The following RNF217 variants were observed in gnomAD, a reference collection of about 807,000 sequenced individuals.
RNF217 encodes the protein E3 ubiquitin-protein ligase RNF217.
In RNF217, 31 loss-of-function variants were observed where a neutral mutation model predicts 57.8. The ratio of observed to expected loss-of-function variants is 0.54; its 90% CI spans 0.40 to 0.72. RNF217 has a LOEUF of 0.72. RNF217 is among the 30% of genes least tolerant of loss of function. The probability of loss-of-function intolerance (pLI) is 0.00; values close to 1 mark genes in which losing one functional copy is unlikely to be tolerated. For synonymous variants in RNF217, 313 were observed against 294.0 expected, an observed-to-expected ratio of 1.06 and a Z score of -0.66; for missense variants, 696 against 708.3, an observed-to-expected ratio of 0.98 and a Z score of 0.20.
chr6:125,050,485 A>G (rs553492464), intron 2 of RNF217, among the ~76,000 whole-genome samples: 1 of 152,042 alleles, frequency 6.6e-6, no homozygotes, highest in South Asian at 2.1e-4. Context: ...AAACCCTCTG[A>G]GTAGAAATTA....
chr6:125,077,660 T>C (rs1183278842), intron 4 of RNF217, among the ~76,000 whole-genome samples: 1 of 152,198 alleles, frequency 6.6e-6, no homozygotes, highest in Non-Finnish European at 1.5e-5. Flanking sequence ...TGTATTCCAT[T>C]CCCTGCTGCT....
intron 1 of RNF217, among the ~76,000 whole-genome samples, chr6:125,024,195 A>T (rs1785972073): frequency 1.3e-5 from 2 of 152,168 alleles, no homozygotes; most frequent in South Asian, 4.1e-4. Flanking sequence ...AGAATTAATA[A>T]AGTAGGATTT....
intron 1 of RNF217, among the ~76,000 whole-genome samples, chr6:125,026,706 A>G (rs991667342): frequency 2.0e-4 from 31 of 152,326 alleles, no homozygotes; most frequent in Non-Finnish European, 3.5e-4. Context: ...TAGGTAGGGA[A>G]GGTTGCATAT....
chr6:125,054,233 G>A (rs1787437481), intron 2 of RNF217, among the ~76,000 whole-genome samples: 1 of 152,154 alleles, frequency 6.6e-6, no homozygotes, highest in Admixed American at 6.6e-5. Context: ...ATTTGATCAA[G>A]ATAAGATTTT....
At position 124,962,917 on chromosome 6, in the gene RNF217, C is replaced by T. The variant is rs1356802808; in HGVS notation, c.373C>T (p.Gln125Ter). The part of the protein sequence containing the change: ...GDRKEGGDEQ[Q>*]EAPPGEELEP... Reference sequence around the variant, plus strand: ...TCGAAAAGAGGGAGGGGATGAACAGCAGGAGGCGCCCCCCGGCGAAGAGCT... The same window carrying T: ...TCGAAAAGAGGGAGGGGATGAACAGTAGGAGGCGCCCCCCGGCGAAGAGCT... Residue 125 changes from glutamine to a stop codon, truncating the protein, a stop_gained, in exon 1 of 6, where the codon CAG becomes TAG. Coordinates refer to ENST00000521654, the MANE Select transcript of RNF217 (RefSeq NM_001286398.3). LOFTEE classifies it high-confidence loss of function. The surrounding 1 kb of genome is among the most constrained non-coding windows in gnomAD (Gnocchi z 4.6). 1.3e-6 allele frequency: 2 copies of T among 1,597,954 alleles called. No individual in the cohort carries two copies. Among genetic ancestry groups the T allele is most frequent in the Admixed American group, 1.7e-5 (1 of 60,008 alleles).
intron 1 of RNF217, among the ~76,000 whole-genome samples, chr6:124,991,544 T>C (rs1784561650): frequency 6.6e-6 from 1 of 152,228 alleles, no homozygotes; most frequent in Admixed American, 6.5e-5. Context: ...ATTTTTGTTG[T>C]CTTTTTCTCC....
At position 125,027,578 on chromosome 6, in the gene RNF217, C is replaced by G. The variant is rs538821479; in HGVS notation, c.883-17633C>G. On this transcript the variant is annotated intron_variant, in intron 1 of 5. Coordinates refer to ENST00000521654, the MANE Select transcript of RNF217 (RefSeq NM_001286398.3). ...CTGTTGATGGACACTTAGGTTGCTT[C>G]GAAATCTTAGCTGTTGTAAACAGAG... Among the ~76,000 whole-genome samples the G allele has an allele frequency of 1.8e-4, 28 of 152,220 alleles. No homozygotes were observed. The East Asian group carries it at 2.7e-3, about 15-fold the overall frequency.
Position 125,016,956 on chromosome 6 carries a change from A to G in RNF217, c.883-28255A>G, listed in dbSNP as rs185265197. On this transcript the variant is annotated intron_variant, in intron 1 of 5. Coordinates refer to ENST00000521654, the MANE Select transcript of RNF217 (RefSeq NM_001286398.3). The stretch of plus-strand genomic sequence containing the variant: ...AAGAAATAGTTGGAAATTAGAATCA[A>G]TAAGGAAGTGTATAAAAAATAATGG... Among the ~76,000 whole-genome samples the G allele has an allele frequency of 1.8e-3, 267 of 152,296 alleles. 1 individual carries two copies. The highest frequency in any genetic ancestry group is 6.1e-3 in the African/African-American group (252 of 41,568).
At position 125,083,045 on chromosome 6, in the gene RNF217, A is replaced by G. The variant is rs994018347; in HGVS notation, c.*108A>G. 2 of 680,100 alleles carry G rather than the reference A, an allele frequency of 2.9e-6. No homozygotes were observed. The highest frequency in any genetic ancestry group is 4.8e-6 in the Non-Finnish European group (2 of 419,924). 42.1% of individuals were successfully genotyped at this position (680,100 alleles called of 1,614,324 possible). A position where few individuals can be genotyped will look rare whatever the true frequency, so the allele number is the denominator to read the frequency against. On this transcript the variant is annotated 3_prime_UTR_variant, in exon 6 of 6. Coordinates refer to ENST00000521654, the MANE Select transcript of RNF217 (RefSeq NM_001286398.3). Reference sequence around the variant, plus strand: ...AAAACACTGAGAGGAACCTTCTACCATCTCATCTCCCAGTGATTCTCCGTG... The same window carrying G: ...AAAACACTGAGAGGAACCTTCTACCGTCTCATCTCCCAGTGATTCTCCGTG...
At chr6:125,010,425 C>T (rs1188900693) in intron 1 of RNF217, among the ~76,000 whole-genome samples, 1 of 152,058 alleles carries the variant, frequency 6.6e-6, no homozygotes, top group Non-Finnish European at 1.5e-5. Flanking sequence ...AAGATATCTG[C>T]CTTACTGTAA....
intron 1 of RNF217, among the ~76,000 whole-genome samples, chr6:124,968,531 A>G (rs1282672989): frequency 6.6e-6 from 1 of 152,160 alleles, no homozygotes; most frequent in Non-Finnish European, 1.5e-5. Flanking sequence ...TCCTCTGTCA[A>G]GTGCTAAGCC....
In RNF217 at chr6:124,962,851, C is replaced by G; in HGVS notation, c.307C>G (p.Leu103Val). 6.3e-7 allele frequency: 1 copy of G among 1,598,066 alleles called. No individual in the cohort carries two copies. Among genetic ancestry groups the G allele is most frequent in the Non-Finnish European group, 8.5e-7 (1 of 1,179,668 alleles). ...GCCTCTCAATCCCCAGACCTTGCCA[C>G]TGCAGTTGGAGCTGGAGGAGGAAGA... ...TGPLNPQTLP[L>V]QLELEEEEEE... Residue 103 changes from leucine (L) to valine (V), a missense_variant, in exon 1 of 6, where the codon CTG becomes GTG. By Grantham distance (32) the Leu-to-Val change is conservative. This residue lies in a region of RNF217 where 465 missense variants were observed against 386.8 expected (regional missense o/e 1.20). Coordinates refer to ENST00000521654, the MANE Select transcript of RNF217 (RefSeq NM_001286398.3). The surrounding 1 kb of genome is among the most constrained non-coding windows in gnomAD (Gnocchi z 4.6).
At position 124,963,046 on chromosome 6, in the gene RNF217, T is replaced by C. The variant is rs1392529513; in HGVS notation, c.502T>C (p.Cys168Arg). The change falls in exon 1 of 6, where the codon TGC becomes CGC. Residue 168 changes from cysteine (C) to arginine (R), a missense_variant. Cys to Arg is a radical substitution (Grantham distance 180, BLOSUM62 -3). Transcript: ENST00000521654. ...GAGACAAGTCTTCTGCTCCGTGTACTGCGTGGAGAGCGACCTGCCCGAGGC... is the reference window on the plus strand; with the variant it reads ...GAGACAAGTCTTCTGCTCCGTGTACCGCGTGGAGAGCGACCTGCCCGAGGC... ...AKRQVFCSVY[C>R]VESDLPEAPA... 2 of 1,583,724 alleles carry C rather than the reference T, an allele frequency of 1.3e-6. No individual in the cohort carries two copies. The highest frequency in any genetic ancestry group is 1.7e-6 in the Non-Finnish European group (2 of 1,173,248).
intron 3 of RNF217, among the ~76,000 whole-genome samples, chr6:125,067,238 T>C (rs1294781942): frequency 6.6e-6 from 1 of 152,174 alleles, no homozygotes; most frequent in Non-Finnish European, 1.5e-5. Context: ...GAGGTGGGGC[T>C]GGAGAAGCCA....
At chr6:125,074,297 G>GTAGATAGATAGATAGA (rs61208735) in intron 3 of RNF217, among the ~76,000 whole-genome samples, 5 of 144,874 alleles carry the variant, frequency 3.5e-5, no homozygotes, top group Non-Finnish European at 4.5e-5. Context: ...CAGAAGATAG[G>GTAGATAGATAGATAGA]TAGATAGATA....
chr6:124,993,310 A>G (rs1784630019), intron 1 of RNF217, among the ~76,000 whole-genome samples: 1 of 152,190 alleles, frequency 6.6e-6, no homozygotes, highest in Admixed American at 6.5e-5. Flanking sequence ...AGCGAACAAT[A>G]TAAATAGAGT....
chr6:125,009,661 T>TA (rs1461680112), intron 1 of RNF217, among the ~76,000 whole-genome samples: 1 of 152,132 alleles, frequency 6.6e-6, no homozygotes, highest in East Asian at 1.9e-4. Context: ...CTATTTTTTT[T>TA]AACCTCTGTT....
At position 125,014,870 on chromosome 6, in the gene RNF217, C is replaced by T. The variant is rs1214934028; in HGVS notation, c.883-30341C>T. The stretch of plus-strand genomic sequence containing the variant: ...TGTTAGGGACTCAGTCATGCATGTG[C>T]TTGACTGAACTTTTGAGCAAACCCA... On this transcript the variant is annotated intron_variant, in intron 1 of 5. Transcript: ENST00000521654. 2.0e-5 allele frequency among the ~76,000 whole-genome samples: 3 copies of T among 152,244 alleles called. No homozygotes were observed. The East Asian group carries it at 5.8e-4, about 29-fold the overall frequency.
rs940248730 is a variant in RNF217 at position 125,034,712 on chromosome 6, G to GT, written c.883-10493dup. Among the ~76,000 whole-genome samples, 647 of 152,232 alleles carry GT rather than the reference G, an allele frequency of 4.3e-3. 8 individuals are homozygous for GT. Among genetic ancestry groups the GT allele is most frequent in the African/African-American group, 0.015 (617 of 41,522 alleles). On this transcript the variant is annotated intron_variant, in intron 1 of 5. Transcript: ENST00000521654. ...TTGGTTCCATATGAACTTTAAAGTA[G>GT]TTTTTTCCAATTCTGTGAAGAAAGT...
Sources: gnomAD v4.1 joint callset for allele counts (sites outside exome capture counted in the v4.1 genomes callset) on GRCh38, gnomAD v4.1.1 for gene constraint, gnomAD v4.1.1 regional missense constraint, Gnocchi (gnomAD v3.1) non-coding constraint, MANE v1.5 for transcripts, NCBI Gene and HGNC (gene_info 2026-07-23, HGNC 2026-07-21) for gene names.